Variants in ANK1 observed in about 807,000 individuals in gnomAD.
The protein encoded by ANK1 is ankyrin-1.
Under a neutral mutation model 210.4 loss-of-function variants are expected in ANK1, and 51 were observed. That is an observed-to-expected ratio of 0.24 (90% CI 0.19 to 0.31). The LOEUF (loss-of-function observed/expected upper bound fraction) is 0.31, where lower values mean the gene tolerates loss of function less well. Ranked by LOEUF, ANK1 falls within the 10% of genes least tolerant of loss-of-function variation. ANK1 has a pLI of 1.00. For missense variants in ANK1, 2,051 were observed against 2,504.4 expected (o/e 0.82, Z 3.86); for synonymous variants, 967 against 1,025.9 (o/e 0.94, Z 1.10).
At chr8:41,742,629 C>A (rs1835065361) in intron 2 of ANK1, among the ~76,000 whole-genome samples, 1 of 152,184 alleles carries the variant, frequency 6.6e-6, no homozygotes, top group Non-Finnish European at 1.5e-5. Flanking sequence ...AACTTTGCAT[C>A]AATCAATATC....
intron 1 of ANK1, among the ~76,000 whole-genome samples, chr8:41,860,175 C>T (rs919775570): frequency 1.3e-5 from 2 of 152,166 alleles, no homozygotes; most frequent in Admixed American, 1.3e-4. Context: ...TTTAAAAATT[C>T]CGCTAAGTCT....
At chr8:41,842,430 T>C (rs1563888714) in intron 1 of ANK1, among the ~76,000 whole-genome samples, 1 of 151,756 alleles carries the variant, frequency 6.6e-6, no homozygotes, top group Non-Finnish European at 1.5e-5. Flanking sequence ...GAGGCGGAGG[T>C]TGCAGTGAGC....
Position 41,655,129 on chromosome 8 carries a change from GGTGT to G in ANK1, c.*657_*660del, listed in dbSNP as rs3063734. 64 of 145,624 alleles carry G rather than the reference GGTGT, an allele frequency of 4.4e-4. No homozygotes were observed. The highest frequency in any genetic ancestry group is 3.6e-4 in the Non-Finnish European group (24 of 66,568). The allele number at this position is 145,624 out of a possible 1,614,324, so 9.0% of individuals were successfully genotyped here. On this transcript the variant is annotated 3_prime_UTR_variant, in exon 43 of 43. Coordinates refer to ENST00000289734, the MANE Select transcript of ANK1 (RefSeq NM_000037.4). Reference sequence around the variant, plus strand: ...GTGTGTAGATTCAGTGGAGGCGAGTGGTGTGTGTGTGTGTGTGTGTGTGTCCTGA... The same window carrying G: ...GTGTGTAGATTCAGTGGAGGCGAGTGGTGTGTGTGTGTGTGTGTGTCCTGA...
At chr8:41,662,950 C>G (rs188912256) in intron 40 of ANK1, among the ~76,000 whole-genome samples, 1 of 152,128 alleles carries the variant, frequency 6.6e-6, no homozygotes, top group Non-Finnish European at 1.5e-5. Context: ...GGGTCTCACT[C>G]TGTCACCCAG....
chr8:41,684,924 T>G (rs1024958078), intron 36 of ANK1, among the ~76,000 whole-genome samples: 11 of 151,966 alleles, frequency 7.2e-5, no homozygotes, highest in African/African-American at 2.4e-4. Context: ...TATTGGTCTC[T>G]GTTACCAAAA....
intron 16 of ANK1, among the ~76,000 whole-genome samples, chr8:41,710,733 C>G (rs1825904986): frequency 6.6e-6 from 1 of 152,218 alleles, no homozygotes; most frequent in Non-Finnish European, 1.5e-5. Flanking sequence ...ATTCCTCTGG[C>G]TGAGGACTGA....
chr8:41,765,062 C>T (rs1354467055), intron 1 of ANK1, among the ~76,000 whole-genome samples: 4 of 151,502 alleles, frequency 2.6e-5, no homozygotes, highest in Admixed American at 6.6e-5. Context: ...ATTTCCCTTC[C>T]TTCCTTCCTT....
At chr8:41,698,732 G>A (rs1401915682) in intron 23 of ANK1, among the ~76,000 whole-genome samples, 1 of 152,150 alleles carries the variant, frequency 6.6e-6, no homozygotes, top group African/African-American at 2.4e-5. Flanking sequence ...ATACCTCAGG[G>A]GCAGAGGTAT....
chr8:41,727,365 G>A lies in ANK1; in HGVS notation c.328-17C>T, dbSNP rs1345182289. 4.4e-6 allele frequency: 7 copies of A among 1,583,792 alleles called. No individual in the cohort carries two copies. In the Admixed American group the frequency reaches 5.0e-5, roughly 11 times the overall value. On this transcript the variant is annotated splice_polypyrimidine_tract_variant and intron_variant, in intron 4 of 42. Transcript: ENST00000289734. ...AAAACCTTTCTGTAAACCAAGAGAGGACATCATTAGCATCCACCCGCAATT... is the reference window on the plus strand; with the variant it reads ...AAAACCTTTCTGTAAACCAAGAGAGAACATCATTAGCATCCACCCGCAATT...
At chr8:41,689,631 G>A (rs1040855607) in intron 33 of ANK1, among the ~76,000 whole-genome samples, 1 of 152,088 alleles carries the variant, frequency 6.6e-6, no homozygotes, top group Non-Finnish European at 1.5e-5. Flanking sequence ...TCCCTCCAAA[G>A]TCCCCAGCAG....
intron 37 of ANK1, among the ~76,000 whole-genome samples, chr8:41,683,226 G>GGACAGTGGA (rs148042904): frequency 7.9e-5 from 12 of 152,328 alleles, no homozygotes; most frequent in Non-Finnish European, 1.6e-4. Flanking sequence ...GCCGAAATGG[G>GGACAGTGGA]GACAGTGGAG....
rs567300727 is a variant in ANK1 at position 41,852,081 on chromosome 8, C to T, written c.126+44274G>A. 9.9e-5 allele frequency among the ~76,000 whole-genome samples: 15 copies of T among 152,234 alleles called. No individual in the cohort carries two copies. The East Asian group carries it at 2.1e-3, about 22-fold the overall frequency. Reference sequence around the variant, plus strand: ...AAAAGTAGTATGTTAAGATCACACACGGCTAGTAGTAGATGGCTGAGCCCA... The same window carrying T: ...AAAAGTAGTATGTTAAGATCACACATGGCTAGTAGTAGATGGCTGAGCCCA... On this transcript the variant is annotated intron_variant, in intron 1 of 42. Transcript: ENST00000265709.
At chr8:41,698,509 G>A (rs568950693) in intron 23 of ANK1, among the ~76,000 whole-genome samples, 122 of 151,754 alleles carry the variant, frequency 8.0e-4, no homozygotes, top group Non-Finnish European at 1.6e-3. Context: ...TGGCCCAGTG[G>A]TTTCACTCCC....
chr8:41,824,584 T>C (rs1805032572), intron 1 of ANK1, among the ~76,000 whole-genome samples: 1 of 152,124 alleles, frequency 6.6e-6, no homozygotes, highest in African/African-American at 2.4e-5. Context: ...GTAGATACCA[T>C]GATTCAAGGG....
chr8:41,664,337 G>T (rs1346528417), intron 39 of ANK1: 1 of 370,064 alleles, frequency 2.7e-6, no homozygotes, highest in Non-Finnish European at 5.3e-6. Context: ...GCCAGGCATG[G>T]TGGTGTGTGC....
rs571726085 is a variant in ANK1 at position 41,664,870 on chromosome 8, C to A, written c.5395-1128G>T. On this transcript the variant is annotated intron_variant, in intron 39 of 42. Transcript: ENST00000289734. ...GTCTCCTCGTCGTCACTGAGGCCCT[C>A]GCTCTCCCCCAGCTCCTTGTCCAGC... 5.0e-6 allele frequency: 8 copies of A among 1,613,844 alleles called. No homozygotes were observed. In the African/African-American group the frequency reaches 9.3e-5, roughly 19 times the overall value.
chr8:41,719,424 C>A (rs543364138), intron 10 of ANK1, among the ~76,000 whole-genome samples: 1 of 152,324 alleles, frequency 6.6e-6, no homozygotes, highest in South Asian at 2.1e-4. Flanking sequence ...TCATCCCTGA[C>A]CTCGGCCTGG....
intron 41 of ANK1, 114 bp from the exon 42 acceptor site, chr8:41,661,678 GAA>G: frequency 6.3e-7 from 1 of 1,599,158 alleles, no homozygotes; most frequent in Non-Finnish European, 8.5e-7. Flanking sequence ...CCACCAGGGA[GAA>G]GAGAGACTGG....
intron 1 of ANK1, among the ~76,000 whole-genome samples, chr8:41,780,209 T>A (rs1844984179): frequency 6.6e-6 from 1 of 152,134 alleles, no homozygotes; most frequent in African/African-American, 2.4e-5. Flanking sequence ...TCACTTCTTT[T>A]AGAATTTTTT....
Sources: gnomAD v4.1 joint callset for allele counts (sites outside exome capture counted in the v4.1 genomes callset) on GRCh38, gnomAD v4.1.1 for gene constraint, MANE v1.5 for transcripts, NCBI Gene and HGNC (gene_info 2026-07-23, HGNC 2026-07-21) for gene names.